POLN: variants seen among roughly 807,000 people sequenced by gnomAD.
POLN encodes DNA polymerase N.
A neutral mutation model predicts 113.5 loss-of-function variants in POLN; 108 were observed. The ratio of observed to expected loss-of-function variants is 0.95; its 90% confidence interval spans 0.81 to 1.12. The LOEUF is 1.12. Among genes scored for constraint, POLN ranks in the 50% most tolerant of loss-of-function variants. The pLI, the probability that POLN is intolerant of heterozygous loss-of-function variation, is 0.00. For missense variants in POLN, 1,097 were observed against 1,077.1 expected (o/e 1.02, Z -0.26); for synonymous variants, 386 against 391.5 (o/e 0.99, Z 0.17).
At chr4:2,232,555 CT>C (rs1488313208) in intron 2 of POLN, among the ~76,000 whole-genome samples, 2 of 152,194 alleles carry the variant, frequency 1.3e-5, no homozygotes, top group Non-Finnish European at 2.9e-5. Context: ...AGCCTATTCT[CT>C]GTTTATTCTG....
At chr4:2,090,611 G>A (rs982974335) in intron 20 of POLN, 2 of 423,684 alleles carry the variant, frequency 4.7e-6, no homozygotes, top group Non-Finnish European at 8.9e-6. Flanking sequence ...TTCCGATGCT[G>A]GGCCATGACG....
intron 19 of POLN, among the ~76,000 whole-genome samples, chr4:2,117,664 C>T (rs1300580018): frequency 6.6e-6 from 1 of 152,202 alleles, no homozygotes; most frequent in Non-Finnish European, 1.5e-5. Flanking sequence ...AGTCACCGGC[C>T]CATGGCAGCT....
rs562979878 is a variant in POLN, at chr4:2,101,493, G to A, written c.1983-5560C>T. ...GTGACTCCCCAGTACCGGAGGGGGT[G>A]ATAATCTTTCTGTGGTCCACTTTCC... On this transcript the variant is annotated intron_variant, in intron 19 of 25. Coordinates refer to ENST00000511885, the MANE Select transcript of POLN (RefSeq NM_181808.4). Among the ~76,000 whole-genome samples the A allele has an allele frequency of 2.6e-5, 4 of 152,324 alleles. No individual in the cohort carries two copies. The South Asian group carries it at 8.3e-4, about 32-fold the overall frequency.
At chr4:2,196,139 G>T (rs1448637171) in intron 6 of POLN, among the ~76,000 whole-genome samples, 1 of 152,114 alleles carries the variant, frequency 6.6e-6, no homozygotes, top group Non-Finnish European at 1.5e-5. Flanking sequence ...ATTTTTTAGG[G>T]ATGTATTCTT....
At chr4:2,176,664 G>C (rs1332601706) in intron 8 of POLN, among the ~76,000 whole-genome samples, 1 of 152,004 alleles carries the variant, frequency 6.6e-6, no homozygotes, top group Non-Finnish European at 1.5e-5. Flanking sequence ...GCAGGGAGAG[G>C]AGAATGCAGA....
At chr4:2,216,734 A>G (rs1734121602) in intron 3 of POLN, among the ~76,000 whole-genome samples, 1 of 152,236 alleles carries the variant, frequency 6.6e-6, no homozygotes, top group Non-Finnish European at 1.5e-5. Flanking sequence ...AAGATGAATC[A>G]CTGTACCTTC....
In POLN at chr4:2,088,811, T is replaced by G; in HGVS notation, c.2066-3067A>C. ...TATTATCGCTACAAGAGGACTTATT[T>G]CTTTGTCCTTTACATCTTGAACTTG... On this transcript the variant is annotated intron_variant, in intron 20 of 25. Transcript: ENST00000511885. The G allele has an allele frequency of 2.1e-6, 3 of 1,415,610 alleles. No individual in the cohort carries two copies. In the South Asian group the frequency reaches 3.8e-5, roughly 18 times the overall value. The allele number at this position is 1,415,610 out of a possible 1,614,324, so 87.7% of individuals were successfully genotyped here. A position where few individuals can be genotyped will look rare whatever the true frequency, so the allele number is the denominator to read the frequency against.
chr4:2,238,966 A>G, intron 2 of POLN: 3 of 1,587,384 alleles, frequency 1.9e-6, no homozygotes, highest in Non-Finnish European at 2.6e-6. Flanking sequence ...CTTTTATTTG[A>G]GTGACCTCTT....
chr4:2,130,122 G>C lies in POLN; in HGVS notation c.1790-866C>G, dbSNP rs185390338. 2.4e-3 allele frequency among the ~76,000 whole-genome samples: 362 copies of C among 152,150 alleles called. 1 individual carries two copies. In the Middle Eastern group the frequency reaches 0.031, roughly 13 times the overall value. ...TACAAAAAATTAGCTGGCCGTAATG[G>C]TGCATGCCTGTAATCCCAGCTACTA... On this transcript the variant is annotated intron_variant, in intron 17 of 25. Coordinates refer to ENST00000511885, the MANE Select transcript of POLN (RefSeq NM_181808.4).
chr4:2,137,727 C>G (rs1341153469), intron 16 of POLN, among the ~76,000 whole-genome samples: 2 of 152,216 alleles, frequency 1.3e-5, no homozygotes, highest in Non-Finnish European at 2.9e-5. Flanking sequence ...TACATACGTT[C>G]CATACATTCA....
intron 19 of POLN, among the ~76,000 whole-genome samples, chr4:2,121,871 G>A (rs1731452916): frequency 6.6e-6 from 1 of 150,940 alleles, no homozygotes; most frequent in Admixed American, 6.6e-5. Context: ...CATTCCTTCT[G>A]CTTGCTTTGG....
intron 3 of POLN, among the ~76,000 whole-genome samples, chr4:2,224,406 C>G (rs570492145): frequency 6.6e-6 from 1 of 151,836 alleles, no homozygotes; most frequent in East Asian, 1.9e-4. Context: ...AGGAGTATAC[C>G]CTAAAATAAT....
chr4:2,080,370 C>A (rs1055071473), intron 23 of POLN: 1 of 1,020,034 alleles, frequency 9.8e-7, no homozygotes. Context: ...GGGCGGAGCC[C>A]CCCCCCACCA....
intron 19 of POLN, among the ~76,000 whole-genome samples, chr4:2,114,012 A>G (rs1731260961): frequency 1.3e-5 from 2 of 151,278 alleles, no homozygotes; most frequent in African/African-American, 4.8e-5. Flanking sequence ...TGATCCTCCC[A>G]TGTCAGCCTC....
Position 2,193,317 on chromosome 4 carries a change from C to G in POLN, c.909-1G>C. On this transcript the variant is annotated splice_acceptor_variant, in intron 6 of 25. Coordinates refer to ENST00000511885, the MANE Select transcript of POLN (RefSeq NM_181808.4). LOFTEE classifies it high-confidence loss of function. Reference sequence around the variant, plus strand: ...TTTCATTGTTTGAAATAGCACGTTCCTAGAAGATGAAAAGAAATTCACTGA... The same window carrying G: ...TTTCATTGTTTGAAATAGCACGTTCGTAGAAGATGAAAAGAAATTCACTGA... 1 of 1,562,102 alleles carries G rather than the reference C, an allele frequency of 6.4e-7. No individual in the cohort carries two copies. The highest frequency in any genetic ancestry group is 1.2e-5 in the South Asian group (1 of 84,660).
intron 13 of POLN, among the ~76,000 whole-genome samples, chr4:2,167,071 A>T (rs1341809856): frequency 6.6e-6 from 1 of 152,190 alleles, no homozygotes; most frequent in African/African-American, 2.4e-5. Context: ...GGTGTCTAAC[A>T]CAGAGCCAGG....
intron 23 of POLN, 60 bp downstream of exon 23, chr4:2,080,898 G>GA: frequency 6.2e-7 from 1 of 1,611,584 alleles, no homozygotes; most frequent in Non-Finnish European, 8.5e-7. Flanking sequence ...GCCCCGAGGG[G>GA]GTCTTCCCAC....
chr4:2,236,202 T>G, intron 2 of POLN: 1 of 1,419,526 alleles, frequency 7.0e-7, no homozygotes, highest in Non-Finnish European at 9.8e-7. Flanking sequence ...TAAAAAGCAT[T>G]TTTAACTACT....
intron 19 of POLN, among the ~76,000 whole-genome samples, chr4:2,108,880 A>G (rs1388452197): frequency 6.6e-6 from 1 of 152,140 alleles, no homozygotes; most frequent in African/African-American, 2.4e-5. Context: ...TATGGTCCTC[A>G]GGCATGCAAA....
Sources: allele counts gnomAD v4.1 joint callset (sites outside exome capture counted in the v4.1 genomes callset), GRCh38; gene constraint gnomAD v4.1.1; transcripts MANE v1.5; gene names NCBI Gene and HGNC (gene_info 2026-07-23, HGNC 2026-07-21).